VPS26C: variants seen among roughly 807,000 people sequenced by gnomAD.
The protein encoded by VPS26C is vacuolar protein sorting-associated protein 26C.
A neutral mutation model predicts 30.6 loss-of-function variants in VPS26C; 19 were observed. The observed-to-expected ratio is 0.62, with a 90% CI of 0.43 to 0.91. The LOEUF (loss-of-function observed/expected upper bound fraction) is 0.91. Among genes scored for constraint, VPS26C ranks in the 40% least tolerant of loss-of-function variants. VPS26C has a pLI of 0.00. For missense variants in VPS26C, 318 were observed against 385.1 expected (o/e 0.83, Z 1.46); for synonymous variants, 132 against 151.5 (o/e 0.87, Z 0.95).
intron 1 of VPS26C, among the ~76,000 whole-genome samples, chr21:37,264,635 C>G (rs2086340451): frequency 1.3e-5 from 2 of 152,126 alleles, no homozygotes; most frequent in South Asian, 2.1e-4. Context: ...TGAAACATTT[C>G]CAAGCTCCAG....
Position 37,238,593 on chromosome 21 carries a change from T to C in VPS26C, c.218A>G (p.Asn73Ser), listed in dbSNP as rs1383366219. The change falls in exon 3 of 8, where the codon AAC (asparagine) becomes AGC (serine). Residue 73 changes from asparagine to serine, a missense_variant. Asn to Ser is a conservative substitution (Grantham distance 46). Transcript: ENST00000309117. ...CGGCTTCACCATTTCTATGGTGCTG[T>C]TGATAATCTGGATAGGCTGTAAACA... ...YNSVKPIQII[N>S]STIEMVKPGK... The C allele has an allele frequency of 6.2e-7, 1 of 1,614,082 alleles. No individual in the cohort carries two copies. Among genetic ancestry groups the C allele is most frequent in the Admixed American group, 1.7e-5 (1 of 59,996 alleles).
chr21:37,267,214 T>TGC, intron 1 of VPS26C, 24 bp downstream of exon 1: 1 of 457,108 alleles, frequency 2.2e-6, no homozygotes, highest in Non-Finnish European at 4.2e-6. Flanking sequence ...CCCACCTCCA[T>TGC]CCCCACCCCC....
intron 1 of VPS26C, among the ~76,000 whole-genome samples, chr21:37,242,923 A>G (rs1403437680): frequency 6.6e-6 from 1 of 152,258 alleles, no homozygotes; most frequent in Non-Finnish European, 1.5e-5. Flanking sequence ...TATAGTACAG[A>G]AAATACAAAA....
rs559495081 is a variant in VPS26C, at chr21:37,236,430, A to C, written c.351+2030T>G. Among the ~76,000 whole-genome samples, 8 of 152,368 alleles carry C rather than the reference A, an allele frequency of 5.3e-5. No homozygotes were observed. The East Asian group carries it at 1.5e-3, about 29-fold the overall frequency. ...TAGTTTCTCTTAAATTTATTTTCTC[A>C]AAAGACGACAAATTTTGATATGAAT... On this transcript the variant is annotated intron_variant, in intron 3 of 7. Transcript: ENST00000309117.
chr21:37,229,762 C>T (rs922861994), intron 5 of VPS26C, among the ~76,000 whole-genome samples: 14 of 152,208 alleles, frequency 9.2e-5, no homozygotes, highest in Non-Finnish European at 1.6e-4. Flanking sequence ...TGGTGGCCAC[C>T]TGATCAGGCA....
At chr21:37,254,185 C>G (rs1188651627) in intron 1 of VPS26C, among the ~76,000 whole-genome samples, 1 of 152,162 alleles carries the variant, frequency 6.6e-6, no homozygotes, top group Non-Finnish European at 1.5e-5. Context: ...AACCAAAGAG[C>G]CAGCAGATTG....
At chr21:37,232,285 T>A in intron 5 of VPS26C, 92 bp downstream of exon 5, 1 of 1,044,762 alleles carries the variant, frequency 9.6e-7, no homozygotes, top group Non-Finnish European at 1.5e-6. Flanking sequence ...ATGACGTGAT[T>A]TCCAAATGAA....
At chr21:37,265,437 C>T (rs913805877) in intron 1 of VPS26C, among the ~76,000 whole-genome samples, 2 of 152,142 alleles carry the variant, frequency 1.3e-5, no homozygotes, top group Admixed American at 6.5e-5. Context: ...TACGGCTTGA[C>T]ACTTTGATCC....
upstream of VPS26C, chr21:37,267,348 C>T: frequency 6.6e-7 from 1 of 1,524,050 alleles, no homozygotes. Flanking sequence ...CCCAGGGAAA[C>T]AAGGGGCGCC....
rs1357224701 is a variant in VPS26C at position 37,233,310 on chromosome 21, C to A, written c.432+52G>T. On this transcript the variant is annotated intron_variant, in intron 4 of 7. Transcript: ENST00000309117. This position sits in a 1 kb window ranked among gnomAD's most constrained non-coding sequence, Gnocchi z 5.2. ...CTTGTAAATAGGGTAAACTCTCAGA[C>A]CCCATGGGAGATTCCTATCATTAAG... 1.4e-6 allele frequency: 2 copies of A among 1,480,576 alleles called. No homozygotes were observed. Among genetic ancestry groups the A allele is most frequent in the East Asian group, 4.5e-5 (2 of 44,220 alleles). The allele number at this position is 1,480,576 out of a possible 1,614,324, so 91.7% of individuals were successfully genotyped here.
intron 1 of VPS26C, among the ~76,000 whole-genome samples, chr21:37,262,763 C>T (rs894739501): frequency 6.6e-6 from 1 of 150,652 alleles, no homozygotes; most frequent in African/African-American, 2.5e-5. Flanking sequence ...TTCTGTAGCA[C>T]GTTAATTTTT....
rs757172894 is a variant in VPS26C at position 37,227,672 on chromosome 21, T to A, written c.793A>T (p.Thr265Ser). The A allele has an allele frequency of 6.2e-7, 1 of 1,613,912 alleles. No individual in the cohort carries two copies. Among genetic ancestry groups the A allele is most frequent in the Non-Finnish European group, 8.5e-7 (1 of 1,179,876 alleles). ...PRLFTCPTLE[T>S]TNFKVEFEVN... Reference sequence around the variant, plus strand: ...CACTTACCCACTTTGAAGTTGGTGGTCTCCAGTGTAGGGCAGGTGAACAGC... The same window carrying A: ...CACTTACCCACTTTGAAGTTGGTGGACTCCAGTGTAGGGCAGGTGAACAGC... The change falls in exon 7 of 8, where the codon ACC (threonine) becomes TCC (serine). Residue 265 changes from threonine (T) to serine (S), a missense_variant. Thr to Ser is a moderately conservative substitution (Grantham distance 58, BLOSUM62 1). Transcript: ENST00000309117.
At chr21:37,225,743 G>T in intron 7 of VPS26C, 117 bp from the exon 8 acceptor site, 1 of 831,560 alleles carries the variant, frequency 1.2e-6, no homozygotes. Context: ...GGTGCGGGTG[G>T]GTTTCATTGC....
At chr21:37,240,699 T>C (rs1569235572) in intron 1 of VPS26C, 60 bp from the exon 2 acceptor site, 2 of 1,574,790 alleles carry the variant, frequency 1.3e-6, no homozygotes, top group African/African-American at 1.4e-5. Flanking sequence ...CTACCTTGTT[T>C]ATTAGCAAAC....
intron 1 of VPS26C, among the ~76,000 whole-genome samples, chr21:37,251,693 T>C (rs918713471): frequency 2.0e-5 from 3 of 152,186 alleles, no homozygotes; most frequent in Non-Finnish European, 4.4e-5. Flanking sequence ...CCCTGTGAAT[T>C]GATTACCTAT....
intron 1 of VPS26C, among the ~76,000 whole-genome samples, chr21:37,266,545 T>C (rs1406504406): frequency 6.6e-6 from 1 of 152,126 alleles, no homozygotes; most frequent in East Asian, 1.9e-4. Flanking sequence ...TTCCCCGAGT[T>C]AGAGGAACCT....
chr21:37,232,696 C>A, intron 4 of VPS26C: 1 of 579,690 alleles, frequency 1.7e-6, no homozygotes, highest in South Asian at 2.1e-5. Flanking sequence ...CTTTCAGATT[C>A]AGAATTTTAA....
chr21:37,242,137 T>C (rs2086093617), intron 1 of VPS26C, among the ~76,000 whole-genome samples: 1 of 152,370 alleles, frequency 6.6e-6, no homozygotes, highest in East Asian at 1.9e-4. Context: ...AAAATGGAGA[T>C]GACTGTGTTT....
Position 37,234,809 on chromosome 21 carries a change from G to A in VPS26C, c.352-1367C>T, listed in dbSNP as rs147137213. 5.3e-5 allele frequency among the ~76,000 whole-genome samples: 8 copies of A among 152,094 alleles called. No homozygotes were observed. The East Asian group carries it at 1.5e-3, about 29-fold the overall frequency. ...TTAAAAGAATCATCCTTGTCTGCAAGGATCTTTATGTAGAATATATATACA... is the reference window on the plus strand; with the variant it reads ...TTAAAAGAATCATCCTTGTCTGCAAAGATCTTTATGTAGAATATATATACA... On this transcript the variant is annotated intron_variant, in intron 3 of 7. Transcript: ENST00000309117.
Sources: gnomAD v4.1 joint callset for allele counts (sites outside exome capture counted in the v4.1 genomes callset) on GRCh38, gnomAD v4.1.1 for gene constraint, Gnocchi (gnomAD v3.1) non-coding constraint, MANE v1.5 for transcripts, NCBI Gene and HGNC (gene_info 2026-07-23, HGNC 2026-07-21) for gene names.